The following RARB variants were observed in gnomAD, a reference collection of about 807,000 sequenced individuals.
RARB encodes the protein HBV-activated protein.
In RARB, 17 loss-of-function variants were observed where a neutral mutation model predicts 51.9. The ratio of observed to expected loss-of-function variants is 0.33; its 90% CI spans 0.22 to 0.49. The LOEUF is 0.49. Among genes scored for constraint, RARB ranks in the 20% least tolerant of loss-of-function variants. The probability of loss-of-function intolerance (pLI) is 0.99; values close to 1 mark genes in which losing one functional copy is unlikely to be tolerated. For synonymous variants in RARB, 215 were observed against 195.4 expected (o/e 1.10, Z -0.84); for missense variants, 369 against 550.8 (o/e 0.67, Z 3.30).
chr3:25,086,186 G>A (rs1429239559), intron 3 of RARB, among the ~76,000 whole-genome samples: 1 of 152,146 alleles, frequency 6.6e-6, no homozygotes, highest in Non-Finnish European at 1.5e-5. Context: ...TTATAGGAAT[G>A]GTGAATTCTA....
chr3:25,508,270 T>G (rs1341083876), intron 3 of RARB, among the ~76,000 whole-genome samples: 1 of 152,172 alleles, frequency 6.6e-6, no homozygotes, highest in Non-Finnish European at 1.5e-5. Context: ...AAATTCCAAT[T>G]TATACTTTAG....
intron 5 of RARB, among the ~76,000 whole-genome samples, chr3:25,304,757 T>C (rs1037545462): frequency 6.6e-6 from 1 of 152,202 alleles, no homozygotes; most frequent in African/African-American, 2.4e-5. Flanking sequence ...ACAGTAGCTA[T>C]AGTGATCCTT....
At chr3:24,879,377 C>T (rs981419899) in intron 2 of RARB, among the ~76,000 whole-genome samples, 1 of 150,796 alleles carries the variant, frequency 6.6e-6, no homozygotes, top group Non-Finnish European at 1.5e-5. Context: ...TGCAGTGAGG[C>T]GAGATCGCAT....
chr3:25,359,412 T>G (rs111563930), intron 5 of RARB, among the ~76,000 whole-genome samples: 1 of 151,158 alleles, frequency 6.6e-6, no homozygotes, highest in African/African-American at 2.4e-5. Flanking sequence ...GTTAATTTTT[T>G]AAAAAAATAC....
intron 2 of RARB, among the ~76,000 whole-genome samples, chr3:24,997,981 T>C (rs1697078411): frequency 6.6e-6 from 1 of 152,152 alleles, no homozygotes; most frequent in African/African-American, 2.4e-5. Flanking sequence ...TATAGTGATA[T>C]TCTTTCTGTA....
At chr3:25,301,266 A>G (rs1239392896) in intron 5 of RARB, among the ~76,000 whole-genome samples, 3 of 152,300 alleles carry the variant, frequency 2.0e-5, no homozygotes, top group Admixed American at 6.5e-5. Context: ...GTGAATACCA[A>G]TGGGGTTAGT....
chr3:25,345,619 C>T (rs1385242099), intron 5 of RARB, among the ~76,000 whole-genome samples: 1 of 144,766 alleles, frequency 6.9e-6, no homozygotes, highest in South Asian at 2.2e-4. Flanking sequence ...GAGCCGAGAT[C>T]GTGCCACTGC....
chr3:25,543,523 C>T (rs919869130), intron 3 of RARB, among the ~76,000 whole-genome samples: 8 of 152,174 alleles, frequency 5.3e-5, no homozygotes, highest in African/African-American at 1.9e-4. Context: ...GGCAAATCCA[C>T]TCATTCTGGG....
At chr3:25,271,880 A>G (rs1025890323) in intron 5 of RARB, among the ~76,000 whole-genome samples, 2 of 152,230 alleles carry the variant, frequency 1.3e-5, no homozygotes, top group African/African-American at 4.8e-5. Flanking sequence ...AGGCAACAGC[A>G]TAGTTTAAAA....
intron 2 of RARB, among the ~76,000 whole-genome samples, chr3:24,984,705 G>C (rs1298324634): frequency 1.3e-5 from 2 of 152,076 alleles, no homozygotes; most frequent in African/African-American, 4.8e-5. Context: ...TAATAATACT[G>C]TATATTATAC....
chr3:25,542,506 C>A (rs972423519), intron 3 of RARB, among the ~76,000 whole-genome samples: 1 of 152,142 alleles, frequency 6.6e-6, no homozygotes, highest in African/African-American at 2.4e-5. Flanking sequence ...CTAGGGTCCA[C>A]CACAGGGAGC....
chr3:25,366,505 G>A (rs1559373637), intron 5 of RARB, among the ~76,000 whole-genome samples: 1 of 152,234 alleles, frequency 6.6e-6, no homozygotes. Context: ...GAATATGTGT[G>A]TAGATAGCAC....
chr3:25,035,620 A>G (rs1437960017), intron 2 of RARB, among the ~76,000 whole-genome samples: 14 of 152,134 alleles, frequency 9.2e-5, no homozygotes, highest in Admixed American at 8.5e-4. Flanking sequence ...CACCTAAACT[A>G]TGTGTCTGTA....
intron 5 of RARB, among the ~76,000 whole-genome samples, chr3:25,250,624 G>A (rs780751131): frequency 2.0e-5 from 3 of 152,146 alleles, no homozygotes; most frequent in Non-Finnish European, 4.4e-5. Context: ...CTGGCTGTGG[G>A]CAAGGGATGT....
At chr3:25,228,202 A>G (rs548600487) in intron 5 of RARB, among the ~76,000 whole-genome samples, 2 of 132,644 alleles carry the variant, frequency 1.5e-5, no homozygotes, top group Non-Finnish European at 1.6e-5. Flanking sequence ...GTTTTCATCT[A>G]TGGTGACTTT....
intron 1 of RARB, among the ~76,000 whole-genome samples, chr3:25,450,724 T>C (rs552295155): frequency 1.3e-5 from 2 of 152,206 alleles, no homozygotes; most frequent in Admixed American, 6.5e-5. Flanking sequence ...CAGCCCCCAA[T>C]TGTGACAGCC....
At chr3:25,375,692 T>C (rs1451659590) in intron 5 of RARB, among the ~76,000 whole-genome samples, 4 of 152,196 alleles carry the variant, frequency 2.6e-5, no homozygotes, top group Admixed American at 1.3e-4. Flanking sequence ...ACAAATTAGT[T>C]GAGAGAATCT....
At chr3:25,051,129 A>G (rs541539329) in intron 2 of RARB, among the ~76,000 whole-genome samples, 11 of 152,196 alleles carry the variant, frequency 7.2e-5, no homozygotes, top group Non-Finnish European at 1.3e-4. Flanking sequence ...GAAGCCACAG[A>G]AAAGGAAGGA....
chr3:24,984,365 G>A (rs1256857168), intron 2 of RARB, among the ~76,000 whole-genome samples: 1 of 152,206 alleles, frequency 6.6e-6, no homozygotes, highest in Non-Finnish European at 1.5e-5. Context: ...GTACATACCA[G>A]TGAGAAGCAC....
Sources: allele counts gnomAD v4.1 joint callset (sites outside exome capture counted in the v4.1 genomes callset), GRCh38; gene constraint gnomAD v4.1.1; transcripts MANE v1.5; gene names NCBI Gene and HGNC (gene_info 2026-07-23, HGNC 2026-07-21).